Variants in WNK1 observed in about 807,000 individuals in gnomAD.
The protein encoded by WNK1 is serine/threonine-protein kinase WNK1.
Under a neutral mutation model 222.8 loss-of-function variants are expected in WNK1, and 38 were observed. That is an observed-to-expected ratio of 0.17 (90% CI 0.13 to 0.22). The LOEUF (loss-of-function observed/expected upper bound fraction) is 0.22. Ranked by LOEUF, WNK1 falls within the 10% of genes least tolerant of loss-of-function variation. The pLI is 1.00. For missense variants in WNK1, 2,348 were observed against 2,918.4 expected, an observed-to-expected ratio of 0.80 and a Z score of 4.50; for synonymous variants, 1,090 against 1,092.9, an observed-to-expected ratio of 1.00 and a Z score of 0.05.
intron 8 of WNK1, among the ~76,000 whole-genome samples, chr12:869,472 C>G (rs897587326): frequency 6.6e-6 from 1 of 152,086 alleles, no homozygotes; most frequent in African/African-American, 2.4e-5. Flanking sequence ...TTAAGTATTA[C>G]TTTCTTCCTC....
chr12:834,815 G>C (rs1949057028), intron 4 of WNK1, among the ~76,000 whole-genome samples: 1 of 151,980 alleles, frequency 6.6e-6, no homozygotes, highest in South Asian at 2.1e-4. Context: ...TGGCCTTTAA[G>C]GATGATAAAG....
chr12:841,869 C>T (rs1398677202), intron 4 of WNK1, among the ~76,000 whole-genome samples: 1 of 152,174 alleles, frequency 6.6e-6, no homozygotes, highest in African/African-American at 2.4e-5. Flanking sequence ...ACCTGATCTG[C>T]TCTCATGACC....
At chr12:811,385 T>A (rs764022022) in intron 1 of WNK1, among the ~76,000 whole-genome samples, 30 of 152,162 alleles carry the variant, frequency 2.0e-4, no homozygotes, top group Non-Finnish European at 4.1e-4. Context: ...GCAAAATATT[T>A]AGGGTTTGTT....
rs1182258583 is a variant in WNK1 at position 879,763 on chromosome 12, A to G, written c.2564A>G (p.Gln855Arg). 1 of 1,614,024 alleles carries G rather than the reference A, an allele frequency of 6.2e-7. No homozygotes were observed. The highest frequency in any genetic ancestry group is 1.1e-5 in the South Asian group (1 of 91,078). The change falls in exon 11 of 28, where the codon CAG becomes CGG. Residue 855 changes from glutamine (Q) to arginine (R), a missense_variant. Coordinates refer to ENST00000315939, the MANE Select transcript of WNK1 (RefSeq NM_018979.4). ...PISTPHVSTA[Q>R]TGFSSLPITM... ...TCAACTCCTCATGTGTCTACGGCTC[A>G]GACAGGTTTCTCATCCCTTCCCATC...
intron 4 of WNK1, among the ~76,000 whole-genome samples, chr12:838,078 A>AGTGTGTGTGTGT (rs3072742): frequency 1.2e-3 from 172 of 148,886 alleles, no homozygotes; most frequent in African/African-American, 4.0e-3. Context: ...GTAATATTCC[A>AGTGTGTGTGTGT]GTGTGTGTGT....
chr12:790,073 G>A (rs1178107544), intron 1 of WNK1, among the ~76,000 whole-genome samples: 1 of 152,056 alleles, frequency 6.6e-6, no homozygotes, highest in Non-Finnish European at 1.5e-5. Context: ...ACCAAATAAA[G>A]GATTATGGTT....
At chr12:891,073 G>A (rs1393298491) in intron 22 of WNK1, among the ~76,000 whole-genome samples, 1 of 152,080 alleles carries the variant, frequency 6.6e-6, no homozygotes, top group Non-Finnish European at 1.5e-5. Flanking sequence ...AAATAATAAA[G>A]ATTACTACCA....
intron 6 of WNK1, 70 bp from the exon 7 acceptor site, chr12:860,943 G>A (rs933520579): frequency 1.9e-5 from 26 of 1,382,176 alleles, no homozygotes; most frequent in African/African-American, 3.0e-5. Context: ...TTTTTTTGGC[G>A]GGGGGTGGTG....
intron 4 of WNK1, among the ~76,000 whole-genome samples, chr12:846,784 A>G (rs1334413535): frequency 2.0e-5 from 3 of 152,200 alleles, no homozygotes; most frequent in African/African-American, 2.4e-5. Context: ...TAGTTTTTAT[A>G]TAACAGATTG....
rs773051901 is a variant in WNK1 at position 908,516 on chromosome 12, G to A, written c.6873G>A (p.Leu2291=). The A allele has an allele frequency of 5.6e-6, 9 of 1,614,196 alleles. No homozygotes were observed. Among genetic ancestry groups the A allele is most frequent in the Non-Finnish European group, 6.8e-6 (8 of 1,180,042 alleles). ...GGAAGTTCTCTGCACCTGGGCAACTGTGCATCTCCATGACCTCGAACCTGG... is the reference window on the plus strand; with the variant it reads ...GGAAGTTCTCTGCACCTGGGCAACTATGCATCTCCATGACCTCGAACCTGG... ...MARKFSAPGQ[L]CISMTSNLGG... Residue 2291 remains leucine, a synonymous_variant, in exon 28 of 28, where the codon CTG becomes CTA. Transcript: ENST00000315939.
At chr12:847,801 C>CTTTTTTTTTT (rs898832948) in intron 4 of WNK1, among the ~76,000 whole-genome samples, 7 of 68,652 alleles carry the variant, frequency 1.0e-4, no homozygotes, top group Non-Finnish European at 1.9e-4. Flanking sequence ...GATTAATTCT[C>CTTTTTTTTTT]TTTTTTTTTT....
intron 4 of WNK1, among the ~76,000 whole-genome samples, chr12:833,180 A>T (rs6489752): frequency 6.6e-6 from 1 of 152,162 alleles, no homozygotes; most frequent in South Asian, 2.1e-4. Flanking sequence ...AATACCTCTT[A>T]GATGCAAGCC....
Position 879,727 on chromosome 12 carries a change from A to G in WNK1, c.2528A>G (p.Gln843Arg), listed in dbSNP as rs1051812671. 17 of 1,613,668 alleles carry G rather than the reference A, an allele frequency of 1.1e-5. No individual in the cohort carries two copies. The African/African-American group carries it at 2.3e-4, about 22-fold the overall frequency. The part of the protein sequence containing the change: ...TPLLPQYPVS[Q>R]IPISTPHVST... Reference sequence around the variant, plus strand: ...TTGCTCCCTCAGTACCCTGTCTCTCAGATTCCCATATCAACTCCTCATGTG... The same window carrying G: ...TTGCTCCCTCAGTACCCTGTCTCTCGGATTCCCATATCAACTCCTCATGTG... Residue 843 changes from glutamine (Q) to arginine (R), a missense_variant, in exon 11 of 28, where the codon CAG becomes CGG. By Grantham distance (43) the Gln-to-Arg change is conservative. Transcript: ENST00000315939.
intron 26 of WNK1, chr12:907,577 T>C: frequency 1.9e-6 from 1 of 513,200 alleles, no homozygotes; most frequent in Non-Finnish European, 3.5e-6. Context: ...GCTTTGTGAA[T>C]GGACTGAAAG....
intron 10 of WNK1, 101 bp from the exon 11 acceptor site, chr12:879,472 T>TTTTTTTGGCTAATACATAAATCTTG: frequency 2.6e-6 from 2 of 755,894 alleles, no homozygotes; most frequent in Non-Finnish European, 4.0e-6. Context: ...GTTTTTTCCT[T>TTTTTTTGGCTAATACATAAATCTTG]CTTTTTGGCT....
At chr12:847,911 A>T (rs898173501) in intron 4 of WNK1, among the ~76,000 whole-genome samples, 37 of 141,646 alleles carry the variant, frequency 2.6e-4, no homozygotes, top group African/African-American at 9.2e-4. Flanking sequence ...GGTTTAAGTG[A>T]TAACTCCTGA....
In WNK1 at chr12:879,937, A is replaced by G; in HGVS notation, c.2738A>G (p.Gln913Arg). 6.2e-7 allele frequency: 1 copy of G among 1,614,154 alleles called. No homozygotes were observed. Among genetic ancestry groups the G allele is most frequent in the Non-Finnish European group, 8.5e-7 (1 of 1,180,018 alleles). Residue 913 changes from glutamine to arginine, a missense_variant, in exon 11 of 28, where the codon CAG (glutamine) becomes CGG (arginine). Gln to Arg is a conservative substitution (Grantham distance 43, BLOSUM62 1). Around this residue, in one of 13 missense-constraint regions of WNK1, gnomAD observed 547 missense variants for 558.3 expected, o/e 0.98. Coordinates refer to ENST00000315939, the MANE Select transcript of WNK1 (RefSeq NM_018979.4). ...VTQLPSQVHP[Q>R]LLQPAVQSMG... is the part of the protein sequence containing the mutation. ...CAGCTGCCAAGTCAGGTTCACCCAC[A>G]GCTCCTACAACCAGCAGTTCAGTCC...
At chr12:817,828 C>T (rs1947488483) in intron 2 of WNK1, among the ~76,000 whole-genome samples, 1 of 75,574 alleles carries the variant, frequency 1.3e-5, no homozygotes, top group African/African-American at 4.2e-5. Context: ...TGGCGGGCGC[C>T]TGTAATCCCA....
At position 862,416 on chromosome 12, in the gene WNK1, G is replaced by C. The variant is rs191924279; in HGVS notation, c.2139+146G>C. 3.4e-4 allele frequency: 307 copies of C among 901,412 alleles called. 10 individuals carry two copies. In the Admixed American group the frequency reaches 6.5e-3, roughly 19 times the overall value. 55.8% of individuals were successfully genotyped at this position (901,412 alleles called of 1,614,324 possible). On this transcript the variant is annotated intron_variant, in intron 8 of 27. Coordinates refer to ENST00000315939, the MANE Select transcript of WNK1 (RefSeq NM_018979.4). ...TGTGTCTCTAAAGCCTTATTATAGA[G>C]TAGGATATAGACATTAATGTGTGGG...
Sources: gnomAD v4.1 joint callset for allele counts (sites outside exome capture counted in the v4.1 genomes callset) on GRCh38, gnomAD v4.1.1 for gene constraint, gnomAD v4.1.1 regional missense constraint, MANE v1.5 for transcripts, NCBI Gene and HGNC (gene_info 2026-07-23, HGNC 2026-07-21) for gene names.